The following SMIM14 variants were observed in gnomAD, a reference collection of about 807,000 sequenced individuals.
The protein encoded by SMIM14 is small integral membrane protein 14, also known as chromosome 4 open reading frame 34.
SMIM14 carries 5 observed loss-of-function variants against 12.6 expected under a neutral mutation model. The observed-to-expected ratio is 0.40, with a 90% CI of 0.21 to 0.83. SMIM14 has a LOEUF of 0.83. Ranked by LOEUF, SMIM14 falls within the 40% of genes least tolerant of loss-of-function variation. The pLI, the probability that SMIM14 is intolerant of heterozygous loss-of-function variation, is 0.37. For synonymous variants in SMIM14, 30 were observed against 40.1 expected, an observed-to-expected ratio of 0.75 and a Z score of 0.95; for missense variants, 86 against 119.1, an observed-to-expected ratio of 0.72 and a Z score of 1.29.
At chr4:39,616,769 C>A (rs1294048222) in intron 1 of SMIM14, among the ~76,000 whole-genome samples, 1 of 151,674 alleles carries the variant, frequency 6.6e-6, no homozygotes, top group Non-Finnish European at 1.5e-5. Flanking sequence ...CCCTTTGAAA[C>A]CTCTCTACTC....
intron 1 of SMIM14, among the ~76,000 whole-genome samples, chr4:39,606,241 A>G (rs1237747076): frequency 1.3e-5 from 2 of 151,652 alleles, no homozygotes; most frequent in Non-Finnish European, 2.9e-5. Flanking sequence ...AGCTACTCAG[A>G]AGGCTGAGGT....
At chr4:39,605,447 T>G (rs1188148856) in intron 1 of SMIM14, among the ~76,000 whole-genome samples, 1 of 149,990 alleles carries the variant, frequency 6.7e-6, no homozygotes, top group Non-Finnish European at 1.5e-5. Context: ...CTGAAGATGC[T>G]AGAACCTACT....
intron 3 of SMIM14, among the ~76,000 whole-genome samples, chr4:39,565,651 T>C (rs531617433): frequency 6.6e-6 from 1 of 152,298 alleles, no homozygotes; most frequent in South Asian, 2.1e-4. Context: ...AAAATGCAGA[T>C]GATATCTGAC....
intron 1 of SMIM14, among the ~76,000 whole-genome samples, chr4:39,635,823 T>A (rs947958157): frequency 3.3e-5 from 5 of 152,120 alleles, no homozygotes; most frequent in African/African-American, 1.2e-4. Flanking sequence ...GCTCTTTTGG[T>A]GCCAACTGGT....
chr4:39,600,560 G>A (rs1255087578), intron 2 of SMIM14, among the ~76,000 whole-genome samples: 1 of 152,082 alleles, frequency 6.6e-6, no homozygotes, highest in Non-Finnish European at 1.5e-5. Context: ...CGTGGTGGCA[G>A]GCGCTTGTAA....
intron 1 of SMIM14, among the ~76,000 whole-genome samples, chr4:39,618,752 A>G (rs1194721474): frequency 2.6e-5 from 4 of 151,828 alleles, no homozygotes; most frequent in African/African-American, 9.7e-5. Context: ...CTTCCCAAGC[A>G]GCAAGTACCA....
At chr4:39,624,729 CAGA>C (rs1223020778) in intron 1 of SMIM14, among the ~76,000 whole-genome samples, 3 of 142,266 alleles carry the variant, frequency 2.1e-5, no homozygotes, top group Non-Finnish European at 4.5e-5. Context: ...GAGGCTGAGG[CAGA>C]AGAATTGCTT....
intron 3 of SMIM14, among the ~76,000 whole-genome samples, chr4:39,564,288 A>C (rs1029016161): frequency 6.6e-5 from 10 of 152,174 alleles, no homozygotes; most frequent in African/African-American, 2.2e-4. Flanking sequence ...TATCCTAAGC[A>C]CAGCTACCAG....
intron 1 of SMIM14, among the ~76,000 whole-genome samples, chr4:39,618,649 C>CAAAA (rs34837742): frequency 9.7e-5 from 9 of 92,372 alleles, no homozygotes; most frequent in Non-Finnish European, 1.4e-4. Flanking sequence ...GACTCCATCT[C>CAAAA]AAAAAAAAAA....
intron 2 of SMIM14, among the ~76,000 whole-genome samples, chr4:39,574,038 A>G (rs1277948608): frequency 6.6e-6 from 1 of 152,136 alleles, no homozygotes; most frequent in Non-Finnish European, 1.5e-5. Context: ...CTTAAAATAG[A>G]GATGAATAAA....
intron 1 of SMIM14, among the ~76,000 whole-genome samples, chr4:39,629,508 T>A (rs564142280): frequency 1.3e-5 from 2 of 150,008 alleles, no homozygotes; most frequent in Non-Finnish European, 3.0e-5. Context: ...AGTGGTGTAA[T>A]CATGGCTCAC....
At chr4:39,621,840 T>A (rs1715506403) in intron 1 of SMIM14, among the ~76,000 whole-genome samples, 1 of 145,382 alleles carries the variant, frequency 6.9e-6, no homozygotes, top group Admixed American at 6.9e-5. Context: ...CATGTTATCA[T>A]GCTTGGCTTT....
intron 1 of SMIM14, among the ~76,000 whole-genome samples, chr4:39,606,928 C>T (rs1714835346): frequency 6.6e-6 from 1 of 152,170 alleles, no homozygotes; most frequent in Admixed American, 6.5e-5. Context: ...ATGAAAAATA[C>T]ACCAGATGGG....
At chr4:39,626,030 A>C (rs1481114415) in intron 1 of SMIM14, among the ~76,000 whole-genome samples, 2 of 152,116 alleles carry the variant, frequency 1.3e-5, no homozygotes, top group Non-Finnish European at 2.9e-5. Flanking sequence ...GCGGGCCAGC[A>C]AGCATTACCA....
chr4:39,623,383 TCTCCCCGA>T (rs796997952), intron 1 of SMIM14, among the ~76,000 whole-genome samples: 5 of 152,258 alleles, frequency 3.3e-5, no homozygotes, highest in African/African-American at 1.2e-4. Flanking sequence ...TCTCTTCCCC[TCTCCCCGA>T]CTCCATGCAA....
intron 1 of SMIM14, among the ~76,000 whole-genome samples, chr4:39,620,593 C>T (rs1715449633): frequency 6.6e-6 from 1 of 152,120 alleles, no homozygotes; most frequent in Non-Finnish European, 1.5e-5. Flanking sequence ...CCTCAGCCTC[C>T]CAAAGTGCTG....
intron 1 of SMIM14, among the ~76,000 whole-genome samples, chr4:39,616,829 G>C (rs1448586547): frequency 1.3e-5 from 2 of 151,932 alleles, no homozygotes; most frequent in African/African-American, 4.8e-5. Flanking sequence ...TTAGTTCCCA[G>C]CTTTTTTTCC....
chr4:39,563,437 G>A (rs1712420948), intron 3 of SMIM14, among the ~76,000 whole-genome samples: 1 of 152,200 alleles, frequency 6.6e-6, no homozygotes, highest in East Asian at 1.9e-4. Flanking sequence ...CAACACCACA[G>A]ATTCTAAGGC....
intron 2 of SMIM14, chr4:39,589,640 G>C (rs1398341325): frequency 6.6e-6 from 1 of 152,172 alleles, no homozygotes; most frequent in African/African-American, 2.4e-5. Flanking sequence ...CAGTGAAGCA[G>C]AACAACAGGA....
Sources: gnomAD v4.1 joint callset for allele counts (sites outside exome capture counted in the v4.1 genomes callset) on GRCh38, gnomAD v4.1.1 for gene constraint, MANE v1.5 for transcripts, NCBI Gene and HGNC (gene_info 2026-07-23, HGNC 2026-07-21) for gene names.